RYR3: variants seen among roughly 807,000 people sequenced by gnomAD.
The protein encoded by RYR3 is brain ryanodine receptor-calcium release channel.
RYR3 carries 207 observed loss-of-function variants against 584.3 expected under a neutral mutation model. The observed-to-expected ratio is 0.35, with a 90% CI of 0.32 to 0.40. The LOEUF (loss-of-function observed/expected upper bound fraction) is 0.40. Ranked by LOEUF, RYR3 falls within the 10% of genes least tolerant of loss-of-function variation. The probability of loss-of-function intolerance (pLI) is 1.00; values close to 1 mark genes in which losing one functional copy is unlikely to be tolerated. For synonymous variants in RYR3, 2,416 were observed against 2,248.5 expected (o/e 1.07, Z -2.11); for missense variants, 5,616 against 6,089.2 (o/e 0.92, Z 2.59).
At chr15:33,422,937 T>G (rs549436145) in intron 1 of RYR3, among the ~76,000 whole-genome samples, 1 of 152,356 alleles carries the variant, frequency 6.6e-6, no homozygotes, top group African/African-American at 2.4e-5. Flanking sequence ...CTTGTAGTAG[T>G]TGAGAAAACT....
At chr15:33,319,397 T>C (rs557391277) in intron 1 of RYR3, among the ~76,000 whole-genome samples, 1 of 152,310 alleles carries the variant, frequency 6.6e-6, no homozygotes, top group African/African-American at 2.4e-5. Flanking sequence ...AAGTCCCTTC[T>C]CAGTCACCCA....
At chr15:33,626,126 C>T (rs1260682360) in intron 20 of RYR3, among the ~76,000 whole-genome samples, 1 of 152,134 alleles carries the variant, frequency 6.6e-6, no homozygotes, top group African/African-American at 2.4e-5. Flanking sequence ...TAATCAGAAA[C>T]ATGTGTGTTA....
At chr15:33,744,263 G>A (rs539470780) in intron 52 of RYR3, among the ~76,000 whole-genome samples, 22 of 152,150 alleles carry the variant, frequency 1.4e-4, no homozygotes, top group African/African-American at 4.1e-4. Context: ...TAGTACTTTC[G>A]TAGCACGCTT....
intron 10 of RYR3, among the ~76,000 whole-genome samples, chr15:33,560,632 TAGAG>T (rs902075089): frequency 4.6e-5 from 7 of 152,190 alleles, no homozygotes; most frequent in African/African-American, 1.7e-4. Context: ...TAGCTATGGT[TAGAG>T]AGCAGATTAG....
At chr15:33,429,359 G>C (rs1187962181) in intron 1 of RYR3, among the ~76,000 whole-genome samples, 1 of 152,192 alleles carries the variant, frequency 6.6e-6, no homozygotes, top group Non-Finnish European at 1.5e-5. Flanking sequence ...AGCTCAAAGA[G>C]ATGTATGTTT....
chr15:33,328,586 A>G (rs1267822562), intron 1 of RYR3, among the ~76,000 whole-genome samples: 1 of 152,216 alleles, frequency 6.6e-6, no homozygotes, highest in Non-Finnish European at 1.5e-5. Flanking sequence ...AACATTACAT[A>G]TAAGCAATTA....
intron 38 of RYR3, among the ~76,000 whole-genome samples, chr15:33,676,241 T>TA (rs10690504): frequency 0.58 from 83,370 of 143,398 alleles, 25,721 homozygotes; most frequent in East Asian, 0.75. Context: ...CTCTAGAAGG[T>TA]AAAAAAAAAA....
intron 38 of RYR3, among the ~76,000 whole-genome samples, chr15:33,679,195 G>A (rs1176053960): frequency 7.1e-6 from 1 of 139,996 alleles, no homozygotes; most frequent in Non-Finnish European, 1.5e-5. Context: ...AAATCTAGAG[G>A]GTGTTATTGC....
At chr15:33,649,765 C>T (rs1370997258) in intron 31 of RYR3, among the ~76,000 whole-genome samples, 1 of 152,186 alleles carries the variant, frequency 6.6e-6, no homozygotes, top group East Asian at 1.9e-4. Context: ...GCGTTCTAGG[C>T]ATACCCATAC....
intron 12 of RYR3, among the ~76,000 whole-genome samples, chr15:33,571,245 C>A (rs970569674): frequency 6.6e-6 from 1 of 152,170 alleles, no homozygotes; most frequent in Admixed American, 6.5e-5. Context: ...TTTATCAGGT[C>A]GAGGAAGTTC....
intron 1 of RYR3, among the ~76,000 whole-genome samples, chr15:33,439,454 A>G (rs888126704): frequency 2.0e-5 from 3 of 152,162 alleles, no homozygotes; most frequent in African/African-American, 7.2e-5. Flanking sequence ...AAAGTACTGT[A>G]TATCTTCTTC....
chr15:33,652,280 G>T (rs187806613), intron 31 of RYR3, among the ~76,000 whole-genome samples: 184 of 152,240 alleles, frequency 1.2e-3, no homozygotes, highest in African/African-American at 4.3e-3. Flanking sequence ...ACAGCCTTTT[G>T]CCCTGGTTAC....
intron 93 of RYR3, among the ~76,000 whole-genome samples, chr15:33,845,438 G>A (rs1485778387): frequency 6.6e-6 from 1 of 152,114 alleles, no homozygotes; most frequent in African/African-American, 2.4e-5. Context: ...TTTTTTAGTA[G>A]AGACAGGGTT....
Position 33,844,897 on chromosome 15 carries a change from TG to T in RYR3, c.13333del (p.Val4445LeufsTer45), listed in dbSNP as rs2078617194. On this transcript the variant is annotated frameshift_variant, in exon 93 of 104. Coordinates refer to ENST00000634891, the MANE Select transcript of RYR3 (RefSeq NM_001036.6). LOFTEE classifies it high-confidence loss of function. ...EEPLEEETED[V>X]ANLWNSFNDE... ...AACCTTTAGAAGAAGAGACAGAGGA[TG>T]TTGCAAACCTATGGAATTCCTTTAA... 1 of 1,613,924 alleles carries T rather than the reference TG, an allele frequency of 6.2e-7. No homozygotes were observed.
chr15:33,768,768 G>A (rs2073320685), intron 61 of RYR3, 61 bp downstream of exon 61: 2 of 1,530,598 alleles, frequency 1.3e-6, no homozygotes, highest in African/African-American at 2.7e-5. Context: ...CTTGCACTTT[G>A]CCTTTATTTG....
chr15:33,604,372 C>G (rs761603449), intron 18 of RYR3, among the ~76,000 whole-genome samples: 2 of 152,214 alleles, frequency 1.3e-5, no homozygotes, highest in African/African-American at 2.4e-5. Context: ...ATGAAGTCAG[C>G]TCAGGTCCCA....
intron 1 of RYR3, among the ~76,000 whole-genome samples, chr15:33,367,268 G>T (rs1449673012): frequency 1.3e-5 from 2 of 152,144 alleles, no homozygotes; most frequent in Non-Finnish European, 2.9e-5. Context: ...AAGTAACCAA[G>T]AAAAGACTAT....
At chr15:33,387,256 C>T (rs2041669868) in intron 1 of RYR3, among the ~76,000 whole-genome samples, 1 of 152,112 alleles carries the variant, frequency 6.6e-6, no homozygotes, top group Admixed American at 6.5e-5. Flanking sequence ...GTTGCTTCCA[C>T]CTTTTGGTTA....
At position 33,535,686 on chromosome 15, in the gene RYR3, C is replaced by T. The variant is rs549003575; in HGVS notation, c.433+2297C>T. Among the ~76,000 whole-genome samples, 721 of 152,232 alleles carry T rather than the reference C, an allele frequency of 4.7e-3. 3 individuals are homozygous for T. Among genetic ancestry groups the T allele is most frequent in the Non-Finnish European group, 8.5e-3 (580 of 68,018 alleles). ...AGATTGGAAAGAAATTGAGAAACAC[C>T]GCTTTTTAGTCAAGTGTTCAGAGAA... On this transcript the variant is annotated intron_variant, in intron 5 of 103. Coordinates refer to ENST00000634891, the MANE Select transcript of RYR3 (RefSeq NM_001036.6).
Sources: allele counts gnomAD v4.1 joint callset (sites outside exome capture counted in the v4.1 genomes callset), GRCh38; gene constraint gnomAD v4.1.1; transcripts MANE v1.5; gene names NCBI Gene and HGNC (gene_info 2026-07-23, HGNC 2026-07-21).